RC3H1: variants seen among roughly 807,000 people sequenced by gnomAD.
RC3H1 encodes the protein roquin-1.
In RC3H1, 50 loss-of-function variants were observed where a neutral mutation model predicts 138.2. That is an observed-to-expected ratio of 0.36 (90% CI 0.29 to 0.46). The LOEUF is 0.46. RC3H1 is among the 20% of genes least tolerant of loss of function. The pLI, the probability that RC3H1 is intolerant of heterozygous loss-of-function variation, is 1.00. For synonymous variants in RC3H1, 462 were observed against 489.1 expected, an observed-to-expected ratio of 0.94 and a Z score of 0.73; for missense variants, 1,031 against 1,388.1, an observed-to-expected ratio of 0.74 and a Z score of 4.09.
At chr1:173,963,619 T>C (rs1434707021) in intron 11 of RC3H1, among the ~76,000 whole-genome samples, 1 of 152,180 alleles carries the variant, frequency 6.6e-6, no homozygotes, top group Non-Finnish European at 1.5e-5. Context: ...CACTATAATA[T>C]TAATTCTTTT....
intron 18 of RC3H1, among the ~76,000 whole-genome samples, chr1:173,942,808 C>T (rs865812492): frequency 1.3e-5 from 2 of 150,570 alleles, no homozygotes; most frequent in African/African-American, 2.5e-5. Flanking sequence ...CCAGCCTGGG[C>T]GACAGAGACT....
Position 173,946,452 on chromosome 1 carries a change from T to G in RC3H1, c.2961+24A>C, listed in dbSNP as rs750972412. On this transcript the variant is annotated intron_variant, in intron 17 of 19. Coordinates refer to ENST00000367696, the MANE Select transcript of RC3H1 (RefSeq NM_172071.4). ...TCTGAGAACCCTTCAAAAATTGGAA[T>G]AAAATGGCTCTCTAGGCTGGTACCT... 3 of 1,592,222 alleles carry G rather than the reference T, an allele frequency of 1.9e-6. No homozygotes were observed. In the African/African-American group the frequency reaches 4.1e-5, roughly 22 times the overall value.
chr1:173,946,079 G>T (rs12095104), intron 17 of RC3H1, among the ~76,000 whole-genome samples: 1 of 151,940 alleles, frequency 6.6e-6, no homozygotes, highest in Admixed American at 6.6e-5. Flanking sequence ...TGAGGCAGGA[G>T]AATTGCATGA....
chr1:173,947,025 A>G (rs1347676498), intron 15 of RC3H1, among the ~76,000 whole-genome samples, 189 bp from the exon 16 acceptor site: 1 of 152,152 alleles, frequency 6.6e-6, no homozygotes, highest in Non-Finnish European at 1.5e-5. Flanking sequence ...GTGCTGATAT[A>G]TGTTTGTTTC....
chr1:173,992,914 T>C lies in RC3H1; in HGVS notation c.72A>G (p.Thr24=). 1 of 1,614,102 alleles carries C rather than the reference T, an allele frequency of 6.2e-7. No individual in the cohort carries two copies. The highest frequency in any genetic ancestry group is 1.1e-5 in the South Asian group (1 of 91,086). The change falls in exon 2 of 20, where the codon ACA becomes ACG. Residue 24 remains threonine (T), a synonymous_variant. Coordinates refer to ENST00000367696, the MANE Select transcript of RC3H1 (RefSeq NM_172071.4). ...CPICTQTFDE[T]IRKPISLGCG... is the part of the protein sequence containing the mutation. ...AACCCAAACTGATGGGCTTTCGAAT[T>C]GTTTCGTCGAAAGTCTGAGTGCAAA...
intron 1 of RC3H1, among the ~76,000 whole-genome samples, chr1:173,993,481 T>C (rs1449355818): frequency 3.3e-5 from 5 of 151,152 alleles, no homozygotes; most frequent in East Asian, 2.0e-4. Flanking sequence ...GCAACCTCCG[T>C]CTCCTGGGTT....
chr1:173,952,523 C>T (rs1659461567), intron 13 of RC3H1, among the ~76,000 whole-genome samples: 1 of 151,746 alleles, frequency 6.6e-6, no homozygotes, highest in African/African-American at 2.4e-5. Flanking sequence ...ATGTACCAAG[C>T]CATAGTTTTG....
intron 11 of RC3H1, among the ~76,000 whole-genome samples, chr1:173,962,478 G>A (rs1659927091): frequency 6.6e-6 from 1 of 152,226 alleles, no homozygotes; most frequent in African/African-American, 2.4e-5. Context: ...TAACTGGGAG[G>A]AGACATGGAA....
intron 1 of RC3H1, among the ~76,000 whole-genome samples, chr1:174,013,498 G>C (rs1661806620): frequency 6.6e-6 from 1 of 151,836 alleles, no homozygotes; most frequent in South Asian, 2.1e-4. Context: ...CTGGAGTGTA[G>C]TGGCGCGATC....
At chr1:173,950,380 C>T (rs1659337794) in intron 14 of RC3H1, among the ~76,000 whole-genome samples, 1 of 144,818 alleles carries the variant, frequency 6.9e-6, no homozygotes, top group Non-Finnish European at 1.5e-5. Context: ...TCAGGACCAG[C>T]CTGTCCTACC....
chr1:174,009,550 A>G (rs1433954936), intron 1 of RC3H1, among the ~76,000 whole-genome samples: 1 of 152,196 alleles, frequency 6.6e-6, no homozygotes, highest in East Asian at 1.9e-4. Flanking sequence ...TTAGCTCCTT[A>G]AAAGTGGGCC....
At chr1:173,977,002 A>C (rs1660614011) in intron 7 of RC3H1, among the ~76,000 whole-genome samples, 1 of 150,938 alleles carries the variant, frequency 6.6e-6, no homozygotes, top group Non-Finnish European at 1.5e-5. Flanking sequence ...GGCTCACTGC[A>C]AACTCTGCCG....
chr1:174,012,404 T>C (rs1020472307), intron 1 of RC3H1, among the ~76,000 whole-genome samples: 51 of 152,178 alleles, frequency 3.4e-4, no homozygotes, highest in African/African-American at 1.1e-3. Context: ...CTTATAAAGA[T>C]ATTTTAAATC....
At chr1:174,002,889 T>G (rs1661585976) in intron 1 of RC3H1, among the ~76,000 whole-genome samples, 1 of 152,188 alleles carries the variant, frequency 6.6e-6, no homozygotes, top group African/African-American at 2.4e-5. Context: ...AAAGTTTCCC[T>G]GAGTAATTTC....
At chr1:173,941,434 G>T in intron 18 of RC3H1, 54 bp from the exon 19 acceptor site, 1 of 1,044,566 alleles carries the variant, frequency 9.6e-7, no homozygotes, top group Non-Finnish European at 1.5e-6. Context: ...GGTGTTAATG[G>T]GAGAGACCAA....
chr1:173,932,060 A>C lies in RC3H1; in HGVS notation c.*6661T>G, dbSNP rs557816338. ...AGTATAAATTCTATCCAAAAGTGTA[A>C]GTGATTTCACTTACAACCTGACTCA... On this transcript the variant is annotated 3_prime_UTR_variant, in exon 20 of 20. Transcript: ENST00000367696. The C allele has an allele frequency of 6.6e-6, 1 of 152,122 alleles. No individual in the cohort carries two copies. The highest frequency in any genetic ancestry group is 1.5e-5 in the Non-Finnish European group (1 of 68,002). The allele number at this position is 152,122 out of a possible 1,614,324, so 9.4% of individuals were successfully genotyped here.
intron 1 of RC3H1, among the ~76,000 whole-genome samples, chr1:173,996,534 G>T (rs989594827): frequency 2.0e-5 from 3 of 152,000 alleles, no homozygotes; most frequent in African/African-American, 7.3e-5. Flanking sequence ...TGTGTAGAAT[G>T]CAGTCACCTA....
intron 15 of RC3H1, 42 bp downstream of exon 15, chr1:173,947,327 G>A: frequency 4.3e-6 from 6 of 1,391,142 alleles, no homozygotes; most frequent in Non-Finnish European, 6.1e-6. Context: ...TGAAAGTCAA[G>A]ATTATGAACC....
intron 1 of RC3H1, among the ~76,000 whole-genome samples, chr1:173,995,533 C>CA (rs1429449370): frequency 0.05 from 4,281 of 84,964 alleles, 88 homozygotes; most frequent in African/African-American, 0.061. Flanking sequence ...GACTCCATCT[C>CA]AAAAAAAAAA....
Sources: allele counts gnomAD v4.1 joint callset (sites outside exome capture counted in the v4.1 genomes callset), GRCh38; gene constraint gnomAD v4.1.1; transcripts MANE v1.5; gene names NCBI Gene and HGNC (gene_info 2026-07-23, HGNC 2026-07-21).